The following SSBP2 variants were observed in gnomAD, a reference collection of about 807,000 sequenced individuals.
SSBP2 encodes the protein single-stranded DNA-binding protein 2.
A neutral mutation model predicts 61.8 loss-of-function variants in SSBP2; 17 were observed. The observed-to-expected ratio is 0.28, with a 90% CI of 0.19 to 0.41. The LOEUF (loss-of-function observed/expected upper bound fraction) is 0.41. SSBP2 is among the 10% of genes least tolerant of loss of function. The probability of loss-of-function intolerance (pLI) is 1.00; values close to 1 mark genes in which losing one functional copy is unlikely to be tolerated. For missense variants in SSBP2, 310 were observed against 458.7 expected (o/e 0.68, Z 2.96); for synonymous variants, 139 against 141.3 (o/e 0.98, Z 0.12).
At chr5:81,586,341 C>T (rs1399276133) in intron 4 of SSBP2, among the ~76,000 whole-genome samples, 1 of 152,106 alleles carries the variant, frequency 6.6e-6, no homozygotes, top group Non-Finnish European at 1.5e-5. Context: ...TAACAGCCAT[C>T]TTAATAGGTG....
chr5:81,661,014 G>C lies in SSBP2; in HGVS notation c.63-10675C>G, dbSNP rs192292721. ...ATAAACCGGAGCCTGTTGAGGGGTG[G>C]GGGGTCAGGGGAGGGAGAGCATTAG... On this transcript the variant is annotated intron_variant, in intron 1 of 16. Coordinates refer to ENST00000320672, the MANE Select transcript of SSBP2 (RefSeq NM_012446.5). Among the ~76,000 whole-genome samples, 596 of 152,152 alleles carry C rather than the reference G, an allele frequency of 3.9e-3. 2 individuals carry two copies. The highest frequency in any genetic ancestry group is 0.013 in the African/African-American group (544 of 41,510).
At position 81,419,511 on chromosome 5, in the gene SSBP2, G is replaced by T. The variant is rs1172851360; in HGVS notation, c.*993C>A. ...ACCAGATACCATTTCACATTAGTAT[G>T]TTATTAAAAATTTACCTCTAGTACT... On this transcript the variant is annotated 3_prime_UTR_variant, in exon 17 of 17. Transcript: ENST00000320672. 1.3e-5 allele frequency: 2 copies of T among 152,200 alleles called. No individual in the cohort carries two copies. Among genetic ancestry groups the T allele is most frequent in the Non-Finnish European group, 2.9e-5 (2 of 68,030 alleles). The allele number at this position is 152,200 out of a possible 1,614,324, so 9.4% of individuals were successfully genotyped here.
intron 4 of SSBP2, among the ~76,000 whole-genome samples, chr5:81,584,504 A>G (rs752528916): frequency 1.3e-5 from 2 of 152,156 alleles, no homozygotes; most frequent in Non-Finnish European, 2.9e-5. Context: ...AAGAGAACAA[A>G]ATACAGCAGA....
chr5:81,601,041 G>A (rs1346695435), intron 4 of SSBP2, among the ~76,000 whole-genome samples: 1 of 152,112 alleles, frequency 6.6e-6, no homozygotes, highest in East Asian at 1.9e-4. Flanking sequence ...TTATATCAGT[G>A]CTTTAAACCA....
chr5:81,684,030 G>A (rs1752591587), intron 1 of SSBP2, among the ~76,000 whole-genome samples: 1 of 152,202 alleles, frequency 6.6e-6, no homozygotes, highest in Non-Finnish European at 1.5e-5. Context: ...CCACTTTGGA[G>A]GACAATTTGG....
At chr5:81,592,393 C>T (rs1320316917) in intron 4 of SSBP2, among the ~76,000 whole-genome samples, 1 of 152,244 alleles carries the variant, frequency 6.6e-6, no homozygotes, top group East Asian at 1.9e-4. Flanking sequence ...CTGCCTGCCT[C>T]TGTAGGCTCC....
chr5:81,476,996 G>C (rs1209611522), intron 6 of SSBP2, among the ~76,000 whole-genome samples: 3 of 151,982 alleles, frequency 2.0e-5, no homozygotes, highest in Non-Finnish European at 4.4e-5. Flanking sequence ...GTGTGTGTGT[G>C]TATGTGTGTG....
intron 2 of SSBP2, among the ~76,000 whole-genome samples, chr5:81,642,648 G>T (rs1748893217): frequency 6.6e-6 from 1 of 152,158 alleles, no homozygotes; most frequent in Non-Finnish European, 1.5e-5. Flanking sequence ...TTTCATTGAA[G>T]CATTGTTTTA....
At chr5:81,435,564 G>A (rs375016967) in intron 15 of SSBP2, among the ~76,000 whole-genome samples, 1 of 152,164 alleles carries the variant, frequency 6.6e-6, no homozygotes. Flanking sequence ...AACAGGCATG[G>A]GAAAGTAAGC....
rs144562997 is a variant in SSBP2, at chr5:81,421,151, T to C, written c.1057-618A>G. Among the ~76,000 whole-genome samples the C allele has an allele frequency of 4.5e-4, 68 of 152,334 alleles. 3 individuals are homozygous for C. The East Asian group carries it at 0.012, about 28-fold the overall frequency. ...TTAAAATACTTAAGAGTCTAATTTA[T>C]ACTTCAGCATTTAAGCATCTTGCCC... On this transcript the variant is annotated intron_variant, in intron 16 of 16. Coordinates refer to ENST00000320672, the MANE Select transcript of SSBP2 (RefSeq NM_012446.5).
chr5:81,711,519 A>G (rs1754775708), intron 1 of SSBP2, among the ~76,000 whole-genome samples: 2 of 152,134 alleles, frequency 1.3e-5, no homozygotes, highest in Non-Finnish European at 2.9e-5. Flanking sequence ...TATCAGAAAT[A>G]TATCCATTGT....
rs1374528975 is a variant in SSBP2 at position 81,446,855 on chromosome 5, T to C, written c.778+13A>G. ...ATAATCAAATGCCCATGTGGCTAGT[T>C]TGATTACAATACCTGCTGGACTAGG... is the stretch of plus-strand genomic sequence containing the variant. On this transcript the variant is annotated intron_variant, in intron 12 of 16. Coordinates refer to ENST00000320672, the MANE Select transcript of SSBP2 (RefSeq NM_012446.5). 6 of 1,605,426 alleles carry C rather than the reference T, an allele frequency of 3.7e-6. No homozygotes were observed. The African/African-American group carries it at 4.0e-5, about 11-fold the overall frequency.
intron 4 of SSBP2, among the ~76,000 whole-genome samples, chr5:81,538,169 C>T (rs1474061740): frequency 6.6e-6 from 1 of 152,124 alleles, no homozygotes; most frequent in African/African-American, 2.4e-5. Context: ...ATTAAAAGTG[C>T]TACTCCAGTG....
At chr5:81,550,964 CA>C (rs1477813999) in intron 4 of SSBP2, among the ~76,000 whole-genome samples, 5 of 151,886 alleles carry the variant, frequency 3.3e-5, no homozygotes, top group Non-Finnish European at 7.4e-5. Context: ...GGTGTGGTGG[CA>C]GGCGCCTGTA....
At chr5:81,551,918 C>T (rs1561532057) in intron 4 of SSBP2, among the ~76,000 whole-genome samples, 1 of 152,120 alleles carries the variant, frequency 6.6e-6, no homozygotes, top group Non-Finnish European at 1.5e-5. Flanking sequence ...GCTTATTGTA[C>T]ATTTCTTAGG....
At chr5:81,608,455 A>G (rs1357874082) in intron 4 of SSBP2, among the ~76,000 whole-genome samples, 2 of 152,100 alleles carry the variant, frequency 1.3e-5, no homozygotes, top group East Asian at 3.8e-4. Context: ...ATAATTTCCT[A>G]TTTTTTGAAT....
At chr5:81,736,553 G>C (rs1756639274) in intron 1 of SSBP2, among the ~76,000 whole-genome samples, 1 of 152,024 alleles carries the variant, frequency 6.6e-6, no homozygotes, top group Non-Finnish European at 1.5e-5. Context: ...ATCAAAATTT[G>C]TATATGCATG....
At chr5:81,533,591 T>C (rs922556211) in intron 4 of SSBP2, among the ~76,000 whole-genome samples, 1 of 151,842 alleles carries the variant, frequency 6.6e-6, no homozygotes, top group African/African-American at 2.4e-5. Flanking sequence ...TAATAAAAAG[T>C]AAAAAGCTGA....
intron 3 of SSBP2, among the ~76,000 whole-genome samples, chr5:81,631,440 C>T (rs905174535): frequency 1.3e-5 from 2 of 151,222 alleles, no homozygotes; most frequent in African/African-American, 4.9e-5. Context: ...CGAGTGTAAA[C>T]CGTACTGAGT....
Sources: gnomAD v4.1 joint callset for allele counts (sites outside exome capture counted in the v4.1 genomes callset) on GRCh38, gnomAD v4.1.1 for gene constraint, MANE v1.5 for transcripts, NCBI Gene and HGNC (gene_info 2026-07-23, HGNC 2026-07-21) for gene names.